Variants in UVRAG observed in about 807,000 individuals in gnomAD.
UVRAG encodes the protein UV radiation resistance associated, also known as UV radiation resistance-associated gene protein.
UVRAG carries 19 observed loss-of-function variants against 78.0 expected under a neutral mutation model. The observed-to-expected ratio is 0.24, with a 90% CI of 0.17 to 0.36. The LOEUF (loss-of-function observed/expected upper bound fraction) is 0.36. Among genes scored for constraint, UVRAG ranks in the 10% least tolerant of loss-of-function variants. UVRAG has a pLI of 1.00. For missense variants in UVRAG, 740 were observed against 853.8 expected (o/e 0.87, Z 1.66); for synonymous variants, 323 against 324.6 (o/e 1.00, Z 0.05).
At chr11:75,995,136 A>G (rs1370529708) in intron 8 of UVRAG, among the ~76,000 whole-genome samples, 2 of 151,566 alleles carry the variant, frequency 1.3e-5, no homozygotes, top group South Asian at 2.1e-4. Flanking sequence ...TGTTATTATT[A>G]TAAGTTTAAT....
chr11:75,868,976 A>G (rs1464911600), intron 3 of UVRAG, among the ~76,000 whole-genome samples: 2 of 152,202 alleles, frequency 1.3e-5, no homozygotes, highest in African/African-American at 4.8e-5. Context: ...ATAAGTACCC[A>G]CCTATGATTG....
At chr11:76,088,552 A>G (rs148008310) in intron 13 of UVRAG, among the ~76,000 whole-genome samples, 23 of 139,078 alleles carry the variant, frequency 1.7e-4, no homozygotes, top group East Asian at 1.1e-3. Flanking sequence ...CACATGATCT[A>G]TCTGTCTTCT....
chr11:75,872,528 C>T (rs1445054624), intron 3 of UVRAG, among the ~76,000 whole-genome samples: 3 of 151,802 alleles, frequency 2.0e-5, no homozygotes, highest in Non-Finnish European at 4.4e-5. Flanking sequence ...AGCTGAGATA[C>T]AGGCGCGCCC....
At position 76,060,761 on chromosome 11, in the gene UVRAG, G is replaced by A. The variant is rs1460851818; in HGVS notation, c.1227-4949G>A. Among the ~76,000 whole-genome samples the A allele has an allele frequency of 3.9e-5, 6 of 152,336 alleles. No homozygotes were observed. The East Asian group carries it at 5.8e-4, about 15-fold the overall frequency. On this transcript the variant is annotated intron_variant, in intron 12 of 14. Transcript: ENST00000356136. ...CCCCCAGCAGTGCCAGCACACCGGC[G>A]CTGCACTCGATTTCTCGCCAGGCCT...
At chr11:76,064,214 A>T (rs1285219217) in intron 12 of UVRAG, among the ~76,000 whole-genome samples, 1 of 152,222 alleles carries the variant, frequency 6.6e-6, no homozygotes, top group Admixed American at 6.5e-5. Flanking sequence ...GAAAATAGAG[A>T]TAGCTATGGG....
intron 6 of UVRAG, among the ~76,000 whole-genome samples, chr11:75,941,368 G>A (rs141210886): frequency 4.7e-4 from 72 of 152,154 alleles, no homozygotes; most frequent in African/African-American, 1.6e-3. Context: ...ATCTTAAAAT[G>A]TGTTTTCCTT....
intron 6 of UVRAG, among the ~76,000 whole-genome samples, chr11:75,946,223 TAGAA>T (rs1417826723): frequency 5.9e-5 from 9 of 152,182 alleles, no homozygotes; most frequent in African/African-American, 1.9e-4. Context: ...ATTAGCAACA[TAGAA>T]AGTGCTCAAT....
intron 14 of UVRAG, among the ~76,000 whole-genome samples, chr11:76,138,392 A>G (rs1428995633): frequency 2.0e-5 from 3 of 152,140 alleles, no homozygotes. Context: ...TCAGAACATT[A>G]TTGACAGTCG....
chr11:75,874,213 AT>A (rs1946713245), intron 3 of UVRAG, among the ~76,000 whole-genome samples: 1 of 152,012 alleles, frequency 6.6e-6, no homozygotes, highest in South Asian at 2.1e-4. Context: ...AATTGTTGAC[AT>A]TCTCTTTAGC....
At chr11:75,926,126 A>G (rs1948098033) in intron 6 of UVRAG, among the ~76,000 whole-genome samples, 1 of 152,098 alleles carries the variant, frequency 6.6e-6, no homozygotes, top group Non-Finnish European at 1.5e-5. Flanking sequence ...GACTTTCCTA[A>G]TAGGCTTTCC....
At chr11:75,967,859 C>T (rs1949054965) in intron 7 of UVRAG, among the ~76,000 whole-genome samples, 1 of 152,168 alleles carries the variant, frequency 6.6e-6, no homozygotes, top group Non-Finnish European at 1.5e-5. Context: ...GGAAAAGAGG[C>T]ATACAGCTTA....
At chr11:75,950,507 G>A (rs1948670279) in intron 6 of UVRAG, among the ~76,000 whole-genome samples, 1 of 152,164 alleles carries the variant, frequency 6.6e-6, no homozygotes, top group Non-Finnish European at 1.5e-5. Context: ...TCCCATCTCA[G>A]CTTCCCAAAG....
intron 12 of UVRAG, among the ~76,000 whole-genome samples, chr11:76,041,359 T>A (rs1247055792): frequency 6.6e-6 from 1 of 152,140 alleles, no homozygotes; most frequent in East Asian, 1.9e-4. Context: ...GGAAGTGAGG[T>A]ATATCCAGCT....
chr11:75,918,511 G>C (rs977708308), intron 6 of UVRAG, among the ~76,000 whole-genome samples: 1 of 152,110 alleles, frequency 6.6e-6, no homozygotes, highest in Non-Finnish European at 1.5e-5. Context: ...CATGCCCTTA[G>C]GGACCAAGGT....
chr11:75,965,284 C>T (rs2135216935), intron 7 of UVRAG, among the ~76,000 whole-genome samples: 1 of 152,118 alleles, frequency 6.6e-6, no homozygotes, highest in Non-Finnish European at 1.5e-5. Flanking sequence ...GTAGCTTTCA[C>T]TGTAGAGATT....
intron 12 of UVRAG, among the ~76,000 whole-genome samples, chr11:76,027,246 G>A (rs1950344201): frequency 6.6e-6 from 1 of 152,068 alleles, no homozygotes; most frequent in Non-Finnish European, 1.5e-5. Context: ...GGTCTGCACT[G>A]GAGCCTGAAA....
intron 13 of UVRAG, among the ~76,000 whole-genome samples, chr11:76,111,089 A>C (rs1396400075): frequency 6.6e-6 from 1 of 152,126 alleles, no homozygotes; most frequent in Admixed American, 6.6e-5. Context: ...CCTCACCTCA[A>C]GCAGTCTACC....
At chr11:75,961,365 G>C in intron 6 of UVRAG, 79 bp from the exon 7 acceptor site, 1 of 1,073,678 alleles carries the variant, frequency 9.3e-7, no homozygotes, top group South Asian at 1.5e-5. Context: ...GTATCCTCCA[G>C]GTTTGTCATT....
At chr11:75,875,130 A>G (rs889492901) in intron 3 of UVRAG, among the ~76,000 whole-genome samples, 1 of 152,160 alleles carries the variant, frequency 6.6e-6, no homozygotes, top group African/African-American at 2.4e-5. Context: ...TTTGGGGGAA[A>G]AATTTGCTGA....
Sources: gnomAD v4.1 joint callset for allele counts (sites outside exome capture counted in the v4.1 genomes callset) on GRCh38, gnomAD v4.1.1 for gene constraint, MANE v1.5 for transcripts, NCBI Gene and HGNC (gene_info 2026-07-23, HGNC 2026-07-21) for gene names.